Variants in LRRC37A3 observed in about 807,000 individuals in gnomAD.
LRRC37A3 encodes leucine-rich repeat-containing protein 37A3.
A neutral mutation model predicts 106.2 loss-of-function variants in LRRC37A3; 25 were observed. The ratio of observed to expected loss-of-function variants is 0.24; its 90% confidence interval spans 0.17 to 0.33. The LOEUF is 0.33. Among genes scored for constraint, LRRC37A3 ranks in the 10% least tolerant of loss-of-function variants. LRRC37A3 has a pLI of 1.00. For synonymous variants in LRRC37A3, 305 were observed against 635.8 expected (o/e 0.48, Z 7.83); for missense variants, 712 against 1,644.9 (o/e 0.43, Z 9.81).
Position 64,863,021 on chromosome 17 carries a change from A to G in LRRC37A3, c.3054-3T>C, listed in dbSNP as rs759513668. 4.4e-6 allele frequency: 7 copies of G among 1,597,718 alleles called. No individual in the cohort carries two copies. The African/African-American group carries it at 5.3e-5, about 12-fold the overall frequency. ...AGGCCATATGGCTAGGTACGATCCT[A>G]TAGATGAAAACAGAGAGCAATAAAT... On this transcript the variant is annotated splice_polypyrimidine_tract_variant and splice_region_variant and intron_variant, in intron 10 of 14. Coordinates refer to ENST00000584306, the MANE Select transcript of LRRC37A3 (RefSeq NM_199340.5).
chr17:64,880,130 C>T (rs1025978903), intron 8 of LRRC37A3, among the ~76,000 whole-genome samples: 4 of 151,694 alleles, frequency 2.6e-5, no homozygotes, highest in South Asian at 2.1e-4. Context: ...TAGGGCCATT[C>T]GATATTATCC....
At chr17:64,875,253 T>A (rs1043602782) in intron 8 of LRRC37A3, among the ~76,000 whole-genome samples, 8 of 152,086 alleles carry the variant, frequency 5.3e-5, no homozygotes, top group African/African-American at 1.9e-4. Context: ...CACTCCAGCC[T>A]GGGTAACAGA....
At chr17:64,913,559 C>T (rs1448278312) in intron 2 of LRRC37A3, among the ~76,000 whole-genome samples, 5 of 151,230 alleles carry the variant, frequency 3.3e-5, no homozygotes, top group African/African-American at 9.7e-5. Context: ...GGTCTGGACT[C>T]GAACTCCTGA....
Position 64,863,949 on chromosome 17 carries a change from C to T in LRRC37A3, c.3054-931G>A, listed in dbSNP as rs1381567712. ...CCTCCTGAGTAGCTGGGAGTATAGG[C>T]TTGCACCACCATGCCCAGCTAATTT... On this transcript the variant is annotated intron_variant, in intron 10 of 14. Transcript: ENST00000584306. Among the ~76,000 whole-genome samples the T allele has an allele frequency of 3.3e-5, 5 of 151,014 alleles. No homozygotes were observed. In the East Asian group the frequency reaches 5.8e-4, roughly 18 times the overall value.
At chr17:64,890,658 C>A (rs1364670591) in intron 5 of LRRC37A3, among the ~76,000 whole-genome samples, 1 of 137,150 alleles carries the variant, frequency 7.3e-6, no homozygotes, top group East Asian at 2.0e-4. Flanking sequence ...ATGGTGAAAC[C>A]CTGTCTCTAC....
rs563088636 is a variant in LRRC37A3 at position 64,916,349 on chromosome 17, G to GA, written c.-496+2400dup. Among the ~76,000 whole-genome samples, 46 of 152,346 alleles carry GA rather than the reference G, an allele frequency of 3.0e-4. No individual in the cohort carries two copies. The South Asian group carries it at 9.3e-3, about 31-fold the overall frequency. ...GAACCCGGGAGGGGGAGCTTGCAGT[G>GA]AGTCAAGATCGCGCCACTGCACTCC... On this transcript the variant is annotated intron_variant, in intron 2 of 14. Coordinates refer to ENST00000584306, the MANE Select transcript of LRRC37A3 (RefSeq NM_199340.5).
chr17:64,864,362 G>T (rs1176605040), intron 10 of LRRC37A3, among the ~76,000 whole-genome samples: 14 of 152,296 alleles, frequency 9.2e-5, no homozygotes, highest in African/African-American at 3.4e-4. Flanking sequence ...AAAGAGCAAA[G>T]AAAGTAGAGG....
chr17:64,908,928 T>C (rs1440474311), intron 2 of LRRC37A3, among the ~76,000 whole-genome samples: 1 of 150,956 alleles, frequency 6.6e-6, no homozygotes, highest in Non-Finnish European at 1.5e-5. Flanking sequence ...ACCACCACCA[T>C]GCCCAGCTAA....
intron 8 of LRRC37A3, among the ~76,000 whole-genome samples, chr17:64,880,904 C>A (rs1003700404): frequency 6.6e-6 from 1 of 151,928 alleles, no homozygotes; most frequent in Non-Finnish European, 1.5e-5. Context: ...ATTCTAACAG[C>A]TCTAGCTGAA....
chr17:64,855,077 T>C (rs1972631678), intron 14 of LRRC37A3, among the ~76,000 whole-genome samples: 1 of 152,150 alleles, frequency 6.6e-6, no homozygotes, highest in African/African-American at 2.4e-5. Context: ...CCTCAAGTGA[T>C]CCCAAAGTGC....
chr17:64,876,192 G>A (rs1973508282), intron 8 of LRRC37A3, among the ~76,000 whole-genome samples: 1 of 152,174 alleles, frequency 6.6e-6, no homozygotes, highest in East Asian at 1.9e-4. Context: ...TTTTTTTACT[G>A]TTCATTTTTC....
intron 11 of LRRC37A3, among the ~76,000 whole-genome samples, chr17:64,861,917 A>G (rs1972886993): frequency 6.6e-6 from 1 of 152,098 alleles, no homozygotes; most frequent in African/African-American, 2.4e-5. Flanking sequence ...TGAGGGTCAG[A>G]GGAAGAAGTA....
At chr17:64,857,807 G>A (rs1453977602) in intron 13 of LRRC37A3, among the ~76,000 whole-genome samples, 1 of 152,230 alleles carries the variant, frequency 6.6e-6, no homozygotes, top group Non-Finnish European at 1.5e-5. Context: ...GACAAAAGCA[G>A]AAATGCGGGT....
At chr17:64,868,319 T>G in intron 10 of LRRC37A3, 143 bp downstream of exon 10, 1 of 621,274 alleles carries the variant, frequency 1.6e-6, no homozygotes, top group Non-Finnish European at 2.9e-6. Context: ...TATACATTTG[T>G]CAGACTCATC....
chr17:64,872,040 G>A (rs1283537359), intron 8 of LRRC37A3, among the ~76,000 whole-genome samples: 1 of 149,910 alleles, frequency 6.7e-6, no homozygotes, highest in African/African-American at 2.5e-5. Flanking sequence ...GCTGAGGCAG[G>A]AGAATTGTGT....
At chr17:64,910,637 CTT>C (rs926231139) in intron 2 of LRRC37A3, among the ~76,000 whole-genome samples, 17 of 96,474 alleles carry the variant, frequency 1.8e-4, no homozygotes, top group Admixed American at 5.4e-4. Flanking sequence ...ATTGTCCCCC[CTT>C]TTTTTTTTTT....
At position 64,918,633 on chromosome 17, in the gene LRRC37A3, C is replaced by G; in HGVS notation, c.-496+117G>C. 3 of 181,110 alleles carry G rather than the reference C, an allele frequency of 1.7e-5. No homozygotes were observed. In the South Asian group the frequency reaches 2.2e-4, roughly 13 times the overall value. 11.2% of individuals were successfully genotyped at this position (181,110 alleles called of 1,614,324 possible). A position where few individuals can be genotyped will look rare whatever the true frequency, so the allele number is the denominator to read the frequency against. Reference sequence around the variant, plus strand: ...GAGTTTTCAACTAGAAGCCCCCTAGCAGAGCAGGTATTTTCATAGACAAAT... The same window carrying G: ...GAGTTTTCAACTAGAAGCCCCCTAGGAGAGCAGGTATTTTCATAGACAAAT... On this transcript the variant is annotated intron_variant, in intron 2 of 14. Transcript: ENST00000584306.
chr17:64,865,660 T>C (rs1973042855), intron 10 of LRRC37A3, among the ~76,000 whole-genome samples: 1 of 152,180 alleles, frequency 6.6e-6, no homozygotes, highest in South Asian at 2.1e-4. Context: ...GCAGACATAA[T>C]GACCCTTCAC....
rs181511942 is a variant in LRRC37A3, at chr17:64,918,755, C to G, written c.-501G>C. 31 of 465,408 alleles carry G rather than the reference C, an allele frequency of 6.7e-5. No homozygotes were observed. The East Asian group carries it at 1.5e-3, about 23-fold the overall frequency. 28.8% of individuals were successfully genotyped at this position (465,408 alleles called of 1,614,324 possible). Reference sequence around the variant, plus strand: ...TAAAAAATACATACATATACCTGTGCCAGGTGCAGTGGCTCACGCCTATAA... The same window carrying G: ...TAAAAAATACATACATATACCTGTGGCAGGTGCAGTGGCTCACGCCTATAA... On this transcript the variant is annotated 5_prime_UTR_variant, in exon 2 of 15. Transcript: ENST00000584306.
Sources: gnomAD v4.1 joint callset for allele counts (sites outside exome capture counted in the v4.1 genomes callset) on GRCh38, gnomAD v4.1.1 for gene constraint, MANE v1.5 for transcripts, NCBI Gene and HGNC (gene_info 2026-07-23, HGNC 2026-07-21) for gene names.